FOXP1: variants seen among roughly 807,000 people sequenced by gnomAD.
FOXP1 encodes forkhead box P1.
Under a neutral mutation model 98.2 loss-of-function variants are expected in FOXP1, and 15 were observed. That is an observed-to-expected ratio of 0.15 (90% CI 0.10 to 0.24). The LOEUF (loss-of-function observed/expected upper bound fraction) is 0.24, where lower values mean the gene tolerates loss of function less well. Ranked by LOEUF, FOXP1 falls within the 10% of genes least tolerant of loss-of-function variation. The pLI, the probability that FOXP1 is intolerant of heterozygous loss-of-function variation, is 1.00. For missense variants in FOXP1, 633 were observed against 848.5 expected, an observed-to-expected ratio of 0.75 and a Z score of 3.15; for synonymous variants, 371 against 314.5, an observed-to-expected ratio of 1.18 and a Z score of -1.90.
chr3:71,501,916 T>C (rs539246744), intron 2 of FOXP1, among the ~76,000 whole-genome samples: 1 of 152,320 alleles, frequency 6.6e-6, no homozygotes, highest in South Asian at 2.1e-4. Flanking sequence ...CTTTGGTTTC[T>C]TTCGCAGAGT....
chr3:71,480,369 G>C (rs1030982446), intron 3 of FOXP1, among the ~76,000 whole-genome samples: 25 of 152,192 alleles, frequency 1.6e-4, no homozygotes, highest in African/African-American at 6.0e-4. Context: ...CAGTTACCTG[G>C]CTTGAAATGA....
At chr3:71,268,079 T>C (rs2069891950) in intron 5 of FOXP1, among the ~76,000 whole-genome samples, 1 of 144,476 alleles carries the variant, frequency 6.9e-6, no homozygotes, top group South Asian at 2.3e-4. Context: ...TTCTTTTTTT[T>C]CTTTTCTTTT....
intron 6 of FOXP1, among the ~76,000 whole-genome samples, chr3:71,159,038 C>T (rs752682815): frequency 7.1e-6 from 1 of 141,370 alleles, no homozygotes; most frequent in African/African-American, 2.7e-5. Flanking sequence ...CCCAGGAGGT[C>T]GAGGTGCAGT....
chr3:71,185,073 A>C (rs1022343567), intron 6 of FOXP1, among the ~76,000 whole-genome samples: 5 of 152,056 alleles, frequency 3.3e-5, no homozygotes, highest in Non-Finnish European at 7.4e-5. Context: ...GTAGCCTGTA[A>C]TCCCAGCTAC....
At chr3:71,116,294 A>T (rs2058370174) in intron 6 of FOXP1, among the ~76,000 whole-genome samples, 2 of 152,072 alleles carry the variant, frequency 1.3e-5, no homozygotes, top group Admixed American at 1.3e-4. Flanking sequence ...GCCTCTTCAT[A>T]CCATCTCATA....
At chr3:71,331,419 C>T (rs1214714050) in intron 4 of FOXP1, among the ~76,000 whole-genome samples, 1 of 151,512 alleles carries the variant, frequency 6.6e-6, no homozygotes, top group Admixed American at 6.6e-5. Flanking sequence ...GCCTCCCCGA[C>T]AAGCGCCGCT....
At chr3:71,276,700 C>T (rs768829420) in intron 5 of FOXP1, among the ~76,000 whole-genome samples, 2 of 152,112 alleles carry the variant, frequency 1.3e-5, no homozygotes, top group Non-Finnish European at 2.9e-5. Context: ...ACAGTGACCA[C>T]GTAAGAGCGA....
chr3:71,362,296 C>T lies in FOXP1; in HGVS notation c.-167-3052G>A, dbSNP rs572652382. On this transcript the variant is annotated intron_variant, in intron 3 of 20. Coordinates refer to ENST00000649528, the MANE Select transcript of FOXP1 (RefSeq NM_001349338.3). ...AAGCAATTCTTCTGCCTCAGCCTCCCGAGCACCTGGGACTACAGGTGCCCA... is the reference window on the plus strand; with the variant it reads ...AAGCAATTCTTCTGCCTCAGCCTCCTGAGCACCTGGGACTACAGGTGCCCA... Among the ~76,000 whole-genome samples the T allele has an allele frequency of 7.1e-4, 108 of 152,242 alleles. 1 individual carries two copies. Among genetic ancestry groups the T allele is most frequent in the Non-Finnish European group, 1.3e-3 (88 of 68,002 alleles).
At chr3:71,108,571 G>A (rs2057638421) in intron 7 of FOXP1, among the ~76,000 whole-genome samples, 2 of 152,154 alleles carry the variant, frequency 1.3e-5, no homozygotes, top group Admixed American at 1.3e-4. Flanking sequence ...TTCAAGACCA[G>A]CCTGGTCAAC....
intron 13 of FOXP1, among the ~76,000 whole-genome samples, chr3:71,000,719 A>G (rs1450681209): frequency 6.6e-6 from 1 of 151,926 alleles, no homozygotes; most frequent in Non-Finnish European, 1.5e-5. Flanking sequence ...GCATACACAC[A>G]GGTGCCCAGA....
At position 71,454,422 on chromosome 3, in the gene FOXP1, G is replaced by A. The variant is rs62246054; in HGVS notation, c.-168+39004C>T. 1.7e-3 allele frequency among the ~76,000 whole-genome samples: 253 copies of A among 152,228 alleles called. 2 individuals carry two copies. The highest frequency in any genetic ancestry group is 3.0e-3 in the Non-Finnish European group (205 of 68,014). The stretch of plus-strand genomic sequence containing the variant: ...AAGGCACAGAGAGAGACAGGTGTTC[G>A]ATAGAAAACCACAGAGACAAAAAGC... On this transcript the variant is annotated intron_variant, in intron 3 of 20. Transcript: ENST00000649528.
intron 3 of FOXP1, among the ~76,000 whole-genome samples, chr3:71,408,992 T>C (rs1028436593): frequency 6.6e-6 from 1 of 152,190 alleles, no homozygotes; most frequent in East Asian, 1.9e-4. Context: ...AATGCTGACA[T>C]TCCCCCAGAG....
At chr3:71,007,302 T>C (rs2042928023) in intron 12 of FOXP1, among the ~76,000 whole-genome samples, 2 of 152,140 alleles carry the variant, frequency 1.3e-5, no homozygotes, top group South Asian at 2.1e-4. Context: ...AGGCTGGAAT[T>C]TGATTTGCAT....
intron 13 of FOXP1, among the ~76,000 whole-genome samples, chr3:70,995,288 C>G (rs796261512): frequency 1.3e-5 from 2 of 152,302 alleles, no homozygotes; most frequent in African/African-American, 4.8e-5. Context: ...CTGGCCATGG[C>G]ATTTCTCAGT....
intron 5 of FOXP1, among the ~76,000 whole-genome samples, chr3:71,215,719 A>G (rs1333330294): frequency 2.6e-5 from 4 of 152,330 alleles, no homozygotes; most frequent in East Asian, 3.9e-4. Flanking sequence ...TAACATCAAT[A>G]AAGTCAACAT....
At chr3:71,476,291 ATCAAGT>A (rs1333872399) in intron 3 of FOXP1, among the ~76,000 whole-genome samples, 2 of 151,998 alleles carry the variant, frequency 1.3e-5, no homozygotes, top group African/African-American at 4.8e-5. Flanking sequence ...ATATAAATTC[ATCAAGT>A]TCTTTTTTTT....
At chr3:71,514,627 C>A (rs1200658417) in intron 2 of FOXP1, among the ~76,000 whole-genome samples, 1 of 152,172 alleles carries the variant, frequency 6.6e-6, no homozygotes. Flanking sequence ...TCTGTGAAGG[C>A]TCTCCCCCCT....
chr3:71,469,550 G>A (rs1449998498), intron 3 of FOXP1, among the ~76,000 whole-genome samples: 1 of 152,116 alleles, frequency 6.6e-6, no homozygotes, highest in African/African-American at 2.4e-5. Flanking sequence ...GATCCAAATG[G>A]GAGTATGATG....
intron 13 of FOXP1, among the ~76,000 whole-genome samples, chr3:71,000,010 G>A (rs988550841): frequency 6.6e-6 from 1 of 152,090 alleles, no homozygotes; most frequent in African/African-American, 2.4e-5. Flanking sequence ...TTTGGAACTC[G>A]GCTGCATAAA....
Sources: allele counts gnomAD v4.1 joint callset (sites outside exome capture counted in the v4.1 genomes callset), GRCh38; gene constraint gnomAD v4.1.1; transcripts MANE v1.5; gene names NCBI Gene and HGNC (gene_info 2026-07-23, HGNC 2026-07-21).